Variants in GPLD1 observed in about 807,000 individuals in gnomAD.
GPLD1 encodes the protein glycosylphosphatidylinositol specific phospholipase D1, also known as phosphatidylinositol-glycan-specific phospholipase D.
Under a neutral mutation model 112.6 loss-of-function variants are expected in GPLD1, and 84 were observed. The ratio of observed to expected loss-of-function variants is 0.75; its 90% CI spans 0.63 to 0.89. GPLD1 has a LOEUF of 0.89. GPLD1 is among the 40% of genes least tolerant of loss of function. GPLD1 has a pLI of 0.00. For synonymous variants in GPLD1, 386 were observed against 403.8 expected, an observed-to-expected ratio of 0.96 and a Z score of 0.53; for missense variants, 1,044 against 1,051.5, an observed-to-expected ratio of 0.99 and a Z score of 0.10.
At chr6:24,494,847 T>G in intron 1 of GPLD1, 1 of 891,788 alleles carries the variant, frequency 1.1e-6, no homozygotes, top group Non-Finnish European at 1.5e-6. Flanking sequence ...GAGAGGGCGC[T>G]GCTCTGTGGC....
At chr6:24,467,383 A>T in intron 7 of GPLD1, 109 bp from the exon 8 acceptor site, 1 of 686,072 alleles carries the variant, frequency 1.5e-6, no homozygotes, top group Non-Finnish European at 2.6e-6. Context: ...GCCAGGCACC[A>T]TGTAAAAGTC....
chr6:24,469,001 A>G (rs1763710397), intron 7 of GPLD1, among the ~76,000 whole-genome samples: 1 of 152,260 alleles, frequency 6.6e-6, no homozygotes, highest in African/African-American at 2.4e-5. Flanking sequence ...TAAAGCAATG[A>G]AAAGAATTCT....
intron 1 of GPLD1, among the ~76,000 whole-genome samples, chr6:24,488,411 C>CAA (rs11304420): frequency 5.8e-4 from 79 of 135,472 alleles, no homozygotes; most frequent in Middle Eastern, 8.1e-3. Flanking sequence ...GACTCCGTCT[C>CAA]AAAAAAAAAA....
chr6:24,445,649 A>G lies in GPLD1; in HGVS notation c.1927-10T>C, dbSNP rs1762886980. The G allele has an allele frequency of 6.2e-7, 1 of 1,610,404 alleles. No individual in the cohort carries two copies. On this transcript the variant is annotated splice_polypyrimidine_tract_variant and intron_variant, in intron 19 of 24. Coordinates refer to ENST00000230036, the MANE Select transcript of GPLD1 (RefSeq NM_001503.4). ...CCAGTTTCCCCATTGCCTGTGAGACACAATAAATCAATATTGTATAGGTGA... is the reference window on the plus strand; with the variant it reads ...CCAGTTTCCCCATTGCCTGTGAGACGCAATAAATCAATATTGTATAGGTGA...
At chr6:24,443,049 G>C (rs1762796593) in intron 20 of GPLD1, among the ~76,000 whole-genome samples, 1 of 152,150 alleles carries the variant, frequency 6.6e-6, no homozygotes, top group African/African-American at 2.4e-5. Flanking sequence ...TCATTCCCTA[G>C]ACTCTGAAAA....
intron 23 of GPLD1, 54 bp downstream of exon 23, chr6:24,433,309 A>G (rs1762463893): frequency 4.4e-6 from 7 of 1,579,932 alleles, no homozygotes; most frequent in Non-Finnish European, 4.4e-6. Context: ...AAAATAAACC[A>G]AGGGGCATTG....
At chr6:24,494,510 A>T (rs1764639359), upstream of GPLD1, among the ~76,000 whole-genome samples, 1 of 152,174 alleles carries the variant, frequency 6.6e-6, no homozygotes, top group Non-Finnish European at 1.5e-5. Flanking sequence ...GCTACAACTG[A>T]AGAAGCGTGA....
At chr6:24,439,689 A>T (rs1266951450) in intron 20 of GPLD1, among the ~76,000 whole-genome samples, 1 of 152,220 alleles carries the variant, frequency 6.6e-6, no homozygotes, top group Non-Finnish European at 1.5e-5. Context: ...GAAAAAACTC[A>T]AGGTAATGTT....
At chr6:24,444,503 T>TTA (rs202208353) in intron 20 of GPLD1, among the ~76,000 whole-genome samples, 5,055 of 152,146 alleles carry the variant, frequency 0.033, 80 homozygotes, top group Middle Eastern at 0.085. Context: ...TATTTATTTT[T>TTA]TTTTTTAAAG....
chr6:24,489,463 G>C lies in GPLD1; in HGVS notation c.49C>G (p.Leu17Val), dbSNP rs2235501. ...WPGLLIMLGS[L>V]CHRGSPCGLS... Reference sequence around the variant, plus strand: ...CCACACGGTGAACCTCTATGGCAGAGAGAACCCAACATGATCAGCAGGCCA... The same window carrying C: ...CCACACGGTGAACCTCTATGGCAGACAGAACCCAACATGATCAGCAGGCCA... The change falls in exon 1 of 25, where the codon CTC (leucine) becomes GTC (valine). Residue 17 changes from leucine (L) to valine (V), a missense_variant. Physicochemically the swap from Leu to Val is conservative, Grantham distance 32 (BLOSUM62 1). Transcript: ENST00000230036. 0.071 allele frequency: 114,870 copies of C among 1,613,026 alleles called. 6,793 individuals carry two copies. The highest frequency in any genetic ancestry group is 0.29 in the African/African-American group (21,858 of 74,922).
chr6:24,467,597 G>A (rs902788981), intron 7 of GPLD1, among the ~76,000 whole-genome samples: 4 of 152,194 alleles, frequency 2.6e-5, no homozygotes, highest in Non-Finnish European at 5.9e-5. Flanking sequence ...TACAAAAAGA[G>A]TGGTTAATTT....
chr6:24,443,537 T>C (rs1362855312), intron 20 of GPLD1, among the ~76,000 whole-genome samples: 2 of 152,238 alleles, frequency 1.3e-5, no homozygotes, highest in Non-Finnish European at 2.9e-5. Context: ...AGTGGTATAC[T>C]GAGTTATCAC....
chr6:24,445,926 TC>T, intron 18 of GPLD1, 95 bp from the exon 19 acceptor site: 1 of 835,110 alleles, frequency 1.2e-6, no homozygotes, highest in South Asian at 1.4e-5. Flanking sequence ...CCTCCCCCCA[TC>T]CAGGCCTCCC....
At chr6:24,451,421 C>T (rs145282471) in intron 14 of GPLD1, among the ~76,000 whole-genome samples, 4,826 of 152,292 alleles carry the variant, frequency 0.032, 97 homozygotes, top group Non-Finnish European at 0.045. Flanking sequence ...TCACCGCAAC[C>T]TCCGCCTCCT....
chr6:24,447,171 C>A (rs906835165), intron 17 of GPLD1, among the ~76,000 whole-genome samples, 192 bp from the exon 18 acceptor site: 1 of 152,078 alleles, frequency 6.6e-6, no homozygotes, highest in Non-Finnish European at 1.5e-5. Context: ...ACAAGAAATA[C>A]ATTTCTAGAG....
chr6:24,441,028 C>T (rs1021811932), intron 20 of GPLD1, among the ~76,000 whole-genome samples: 7 of 152,090 alleles, frequency 4.6e-5, no homozygotes, highest in African/African-American at 9.7e-5. Flanking sequence ...AGTGACTGGG[C>T]GCAGTGGCTC....
At chr6:24,438,785 CTTTTTCT>C (rs1172697174) in intron 20 of GPLD1, among the ~76,000 whole-genome samples, 43 of 150,882 alleles carry the variant, frequency 2.8e-4, no homozygotes, top group African/African-American at 9.9e-4. Context: ...ATCTTCATTC[CTTTTTCT>C]TTTTTTATTA....
rs1763482190 is a variant in GPLD1, at chr6:24,462,866, T to C, written c.822-71A>G. On this transcript the variant is annotated intron_variant, in intron 10 of 24. Transcript: ENST00000230036. ...AAGCATGAATTTTACCGAGAATCGG[T>C]AGTGCGCTTCAATCATCTCCCAAAG... 5 of 1,107,086 alleles carry C rather than the reference T, an allele frequency of 4.5e-6. No individual in the cohort carries two copies. The South Asian group carries it at 5.0e-5, about 11-fold the overall frequency. 68.6% of individuals were successfully genotyped at this position (1,107,086 alleles called of 1,614,324 possible).
chr6:24,454,040 G>A lies in GPLD1; in HGVS notation c.1310C>T (p.Ala437Val). The A allele has an allele frequency of 6.2e-7, 1 of 1,612,180 alleles. No individual in the cohort carries two copies. The highest frequency in any genetic ancestry group is 8.5e-7 in the Non-Finnish European group (1 of 1,178,692). ...CTGGAAGCCTTCAAGGATCCTGTGGGCCTCCTTGTCCAGGTCCAGGTCAAC... is the reference window on the plus strand; with the variant it reads ...CTGGAAGCCTTCAAGGATCCTGTGGACCTCCTTGTCCAGGTCCAGGTCAAC... ...PPVDLDLDKE[A>V]HRILEGFQPS... Residue 437 changes from alanine to valine, a missense_variant, in exon 14 of 25, where the codon GCC (alanine) becomes GTC (valine). By Grantham distance (64) the Ala-to-Val change is moderately conservative (BLOSUM62 0). Coordinates refer to ENST00000230036, the MANE Select transcript of GPLD1 (RefSeq NM_001503.4).
Sources: gnomAD v4.1 joint callset for allele counts (sites outside exome capture counted in the v4.1 genomes callset) on GRCh38, gnomAD v4.1.1 for gene constraint, MANE v1.5 for transcripts, NCBI Gene and HGNC (gene_info 2026-07-23, HGNC 2026-07-21) for gene names.